Variants in SCP2 observed in about 807,000 individuals in gnomAD.
SCP2 encodes the protein SCP-2/3-oxoacyl-CoA thiolase.
SCP2 carries 48 observed loss-of-function variants against 71.4 expected under a neutral mutation model. That is an observed-to-expected ratio of 0.67 (90% confidence interval 0.53 to 0.86). The LOEUF is 0.86. Ranked by LOEUF, SCP2 falls within the 40% of genes least tolerant of loss-of-function variation. The pLI is 0.00. For synonymous variants in SCP2, 220 were observed against 218.1 expected, an observed-to-expected ratio of 1.01 and a Z score of -0.08; for missense variants, 560 against 655.6, an observed-to-expected ratio of 0.85 and a Z score of 1.59.
chr1:53,018,907 A>G (rs909487841), intron 12 of SCP2, among the ~76,000 whole-genome samples: 2 of 152,138 alleles, frequency 1.3e-5, no homozygotes, highest in Non-Finnish European at 2.9e-5. Context: ...TTTAGCTGTC[A>G]TGTCTCTTTA....
Position 52,948,031 on chromosome 1 carries a change from A to C in SCP2, c.150A>C (p.Ala50=), listed in dbSNP as rs1557550806. ...EEAGKKALAD[A]QIPYSAVDQA... Reference sequence around the variant, plus strand: ...TAGGCAAGAAGGCTTTAGCTGATGCACAGATCCCTTATTCAGCAGTGGACC... The same window carrying C: ...TAGGCAAGAAGGCTTTAGCTGATGCCCAGATCCCTTATTCAGCAGTGGACC... The change falls in exon 3 of 16, where the codon GCA becomes GCC. Residue 50 remains alanine (A), a synonymous_variant. Coordinates refer to ENST00000371514, the MANE Select transcript of SCP2 (RefSeq NM_002979.5). The C allele has an allele frequency of 1.9e-6, 3 of 1,613,350 alleles. No homozygotes were observed. The highest frequency in any genetic ancestry group is 2.5e-6 in the Non-Finnish European group (3 of 1,179,330).
chr1:53,015,339 C>T (rs1201581962), intron 12 of SCP2, among the ~76,000 whole-genome samples: 1 of 152,202 alleles, frequency 6.6e-6, no homozygotes, highest in African/African-American at 2.4e-5. Flanking sequence ...AGGCAGGTCT[C>T]CTCATGGCCT....
chr1:53,013,421 TAA>T lies in SCP2; in HGVS notation c.1082-1445_1082-1444del, dbSNP rs776237493. On this transcript the variant is annotated intron_variant, in intron 11 of 15. Transcript: ENST00000371514. ...GAATATAGTGAAACCCCGTCTCTAC[TAA>T]AAAAAAAAAAAAAAAAAAAAAAATA... Among the ~76,000 whole-genome samples the T allele has an allele frequency of 7.1e-3, 830 of 117,178 alleles. 18 individuals carry two copies. Among genetic ancestry groups the T allele is most frequent in the African/African-American group, 0.027 (786 of 29,486 alleles). The allele number at this position is 117,178 out of a possible 152,430, so 76.9% of individuals were successfully genotyped here.
chr1:52,954,166 G>GA, intron 4 of SCP2, among the ~76,000 whole-genome samples: 1 of 151,222 alleles, frequency 6.6e-6, no homozygotes, highest in East Asian at 1.9e-4. Context: ...AAAATTAGCT[G>GA]AATGAGGTGG....
At chr1:52,986,705 T>C (rs1659009637) in intron 10 of SCP2, among the ~76,000 whole-genome samples, 2 of 152,158 alleles carry the variant, frequency 1.3e-5, no homozygotes, top group South Asian at 2.1e-4. Flanking sequence ...ATGAGAATGA[T>C]AGCACCTACT....
intron 6 of SCP2, among the ~76,000 whole-genome samples, chr1:52,971,495 A>C (rs2150158135): frequency 6.6e-6 from 1 of 152,354 alleles, no homozygotes; most frequent in African/African-American, 2.4e-5. Context: ...ACTGAAAATC[A>C]CTTACATGAG....
chr1:52,976,207 T>C (rs1382093954), intron 7 of SCP2, among the ~76,000 whole-genome samples: 1 of 152,050 alleles, frequency 6.6e-6, no homozygotes, highest in Non-Finnish European at 1.5e-5. Flanking sequence ...ATGTCCAGAT[T>C]TTTTACTGGG....
At chr1:52,999,045 A>G (rs905227055) in intron 11 of SCP2, among the ~76,000 whole-genome samples, 14 of 152,156 alleles carry the variant, frequency 9.2e-5, no homozygotes, top group Admixed American at 2.0e-4. Context: ...TTTTCCTTTT[A>G]TCATTAATCT....
In SCP2 at chr1:53,010,843, C is replaced by T. The variant is rs192014145; in HGVS notation, c.1082-4047C>T. Among the ~76,000 whole-genome samples the T allele has an allele frequency of 2.0e-3, 305 of 152,192 alleles. 1 individual carries two copies. Among genetic ancestry groups the T allele is most frequent in the African/African-American group, 7.2e-3 (298 of 41,548 alleles). The stretch of plus-strand genomic sequence containing the variant: ...GAATGTACTTTGTGAGATTCACCCC[C>T]TGCCCACAAAAAATTGCTCCTAACT... On this transcript the variant is annotated intron_variant, in intron 11 of 15. Transcript: ENST00000371514.
intron 6 of SCP2, among the ~76,000 whole-genome samples, chr1:52,964,214 CT>C (rs200065864): frequency 0.094 from 12,691 of 134,458 alleles, 667 homozygotes; most frequent in African/African-American, 0.2. Flanking sequence ...TCTTTTCTCT[CT>C]TTTTTTTTTT....
chr1:52,970,370 G>A lies in SCP2; in HGVS notation c.524-4399G>A, dbSNP rs991437930. ...GCTCAGGCAATACTCCTGTCTCAGCGTCCTGAGTCGCTGGGACTACAGGTG... is the reference window on the plus strand; with the variant it reads ...GCTCAGGCAATACTCCTGTCTCAGCATCCTGAGTCGCTGGGACTACAGGTG... On this transcript the variant is annotated intron_variant, in intron 6 of 15. Coordinates refer to ENST00000371514, the MANE Select transcript of SCP2 (RefSeq NM_002979.5). Among the ~76,000 whole-genome samples the A allele has an allele frequency of 3.9e-5, 6 of 152,112 alleles. No individual in the cohort carries two copies. The South Asian group carries it at 6.2e-4, about 16-fold the overall frequency.
At chr1:52,943,072 A>G (rs1436720240) in intron 2 of SCP2, among the ~76,000 whole-genome samples, 1 of 152,076 alleles carries the variant, frequency 6.6e-6, no homozygotes, top group African/African-American at 2.4e-5. Context: ...AAAACTACCA[A>G]TACTTGATTT....
chr1:53,006,077 G>GA (rs1237555485), intron 11 of SCP2, among the ~76,000 whole-genome samples: 1 of 152,030 alleles, frequency 6.6e-6, no homozygotes, highest in Non-Finnish European at 1.5e-5. Flanking sequence ...GAAGTTCAGA[G>GA]AAAAAAGAAT....
intron 13 of SCP2, among the ~76,000 whole-genome samples, chr1:53,037,922 A>ACACACACACACACAC (rs778637730): frequency 6.0e-5 from 8 of 133,968 alleles, no homozygotes; most frequent in African/African-American, 2.0e-4. Context: ...ACACACACAC[A>ACACACACACACACAC]CACACACAGA....
chr1:52,979,060 TGGAAAA>T (rs1658236271), intron 9 of SCP2, among the ~76,000 whole-genome samples: 1 of 152,256 alleles, frequency 6.6e-6, no homozygotes, highest in African/African-American at 2.4e-5. Context: ...CACTGTGAAC[TGGAAAA>T]TGTTTTTGTA....
At chr1:53,044,368 C>G (rs1453982809) in intron 14 of SCP2, among the ~76,000 whole-genome samples, 1 of 152,168 alleles carries the variant, frequency 6.6e-6, no homozygotes, top group African/African-American at 2.4e-5. Flanking sequence ...TCTATTCCGT[C>G]TCTTTTATTA....
intron 5 of SCP2, among the ~76,000 whole-genome samples, chr1:52,958,942 C>T (rs1656071949): frequency 6.6e-6 from 1 of 151,830 alleles, no homozygotes; most frequent in Admixed American, 6.6e-5. Flanking sequence ...GCAGGTTGGT[C>T]TTGAACTTCA....
intron 11 of SCP2, among the ~76,000 whole-genome samples, chr1:53,005,953 A>G (rs1660614747): frequency 1.3e-5 from 2 of 152,210 alleles, no homozygotes. Context: ...TGGAGCTGAA[A>G]ACCATGGCAC....
chr1:52,987,011 T>A (rs976542775), intron 10 of SCP2, among the ~76,000 whole-genome samples: 5,224 of 113,996 alleles, frequency 0.046, 71 homozygotes, highest in Middle Eastern at 0.054. Context: ...TATATATTTT[T>A]TTTTTTTTTT....
Sources: gnomAD v4.1 joint callset for allele counts (sites outside exome capture counted in the v4.1 genomes callset) on GRCh38, gnomAD v4.1.1 for gene constraint, MANE v1.5 for transcripts, NCBI Gene and HGNC (gene_info 2026-07-23, HGNC 2026-07-21) for gene names.